The following COL22A1 variants were observed in gnomAD, a reference collection of about 807,000 sequenced individuals.
COL22A1 encodes collagen alpha-1(XXII) chain.
In COL22A1, 221 loss-of-function variants were observed where a neutral mutation model predicts 248.9. That is an observed-to-expected ratio of 0.89 (90% confidence interval 0.80 to 0.99). The LOEUF is 0.99. Ranked by LOEUF, COL22A1 falls within the 50% of genes least tolerant of loss-of-function variation. The probability of loss-of-function intolerance (pLI) is 0.00; values close to 1 mark genes in which losing one functional copy is unlikely to be tolerated. For synonymous variants in COL22A1, 891 were observed against 793.4 expected (o/e 1.12, Z -2.07); for missense variants, 2,240 against 2,179.0 (o/e 1.03, Z -0.56).
At chr8:138,753,094 G>A (rs959432250) in intron 21 of COL22A1, among the ~76,000 whole-genome samples, 1 of 152,204 alleles carries the variant, frequency 6.6e-6, no homozygotes, top group African/African-American at 2.4e-5. Flanking sequence ...AAAATTACTT[G>A]GTGGACAAAT....
intron 1 of COL22A1, among the ~76,000 whole-genome samples, chr8:138,900,295 T>C (rs1254366463): frequency 1.3e-5 from 2 of 151,940 alleles, no homozygotes; most frequent in Middle Eastern, 3.4e-3. Flanking sequence ...CCATCAGGAG[T>C]GTTTGGTCCT....
rs765474291 is a variant in COL22A1, at chr8:138,649,751, G to A, written c.3361C>T (p.Pro1121Ser). 2 of 1,603,238 alleles carry A rather than the reference G, an allele frequency of 1.2e-6. No individual in the cohort carries two copies. Among genetic ancestry groups the A allele is most frequent in the African/African-American group, 1.3e-5 (1 of 74,278 alleles). The change falls in exon 46 of 65, where the codon CCC becomes TCC. Residue 1121 changes from proline to serine, a missense_variant. By Grantham distance (74) the Pro-to-Ser change is moderately conservative. Coordinates refer to ENST00000303045, the MANE Select transcript of COL22A1 (RefSeq NM_152888.3). Reference protein sequence around the residue: ...KDVCNDCPPGPPGLPGLPGFK... With the variant: ...KDVCNDCPPGSPGLPGLPGFK... ...CCTGGTAGACCAGGGAGGCCTGGGG[G>A]GCCAGGAGGGCAGTCATTGCACACA...
chr8:138,593,404 T>G (rs1276372030), intron 63 of COL22A1, among the ~76,000 whole-genome samples: 2 of 152,072 alleles, frequency 1.3e-5, no homozygotes, highest in African/African-American at 4.8e-5. Context: ...AAAAAAAACC[T>G]TTTGTTAAAA....
chr8:138,652,667 T>C (rs570238973), intron 45 of COL22A1, among the ~76,000 whole-genome samples: 2 of 151,858 alleles, frequency 1.3e-5, no homozygotes, highest in South Asian at 4.2e-4. Context: ...GTATGTAATC[T>C]ATTAATGTTC....
intron 6 of COL22A1, among the ~76,000 whole-genome samples, chr8:138,824,657 A>C (rs987234565): frequency 1.3e-5 from 2 of 152,230 alleles, no homozygotes; most frequent in African/African-American, 4.8e-5. Flanking sequence ...ATATATCTGT[A>C]GATGAACTTC....
chr8:138,757,691 G>A (rs914129944), intron 18 of COL22A1, among the ~76,000 whole-genome samples: 4 of 152,200 alleles, frequency 2.6e-5, no homozygotes, highest in Admixed American at 6.5e-5. Flanking sequence ...ATTCACTCTC[G>A]TTCCCTATGA....
chr8:138,750,982 T>C (rs1165811095), intron 22 of COL22A1, among the ~76,000 whole-genome samples: 1 of 140,800 alleles, frequency 7.1e-6, no homozygotes, highest in East Asian at 2.1e-4. Context: ...GTGTGCACAA[T>C]CTAGATAGGA....
intron 25 of COL22A1, among the ~76,000 whole-genome samples, chr8:138,722,850 C>CGGGGGGGGGGGGGGGG (rs1171912230): frequency 8.4e-5 from 1 of 11,848 alleles, no homozygotes. Context: ...CACATGGGGG[C>CGGGGGGGGGGGGGGGG]GGGGGGGGGG....
chr8:138,726,957 A>G (rs1429566491), intron 23 of COL22A1, among the ~76,000 whole-genome samples: 4 of 152,044 alleles, frequency 2.6e-5, no homozygotes, highest in Non-Finnish European at 5.9e-5. Flanking sequence ...CAGAGGGAGG[A>G]AGGGTGGACA....
chr8:138,767,558 T>C (rs56662818), intron 16 of COL22A1, among the ~76,000 whole-genome samples: 11,770 of 152,254 alleles, frequency 0.077, 556 homozygotes, highest in South Asian at 0.13. Flanking sequence ...AATAGGAAAG[T>C]GTAAGCTTAT....
Position 138,663,689 on chromosome 8 carries a change from T to C in COL22A1, c.3186+16A>G. On this transcript the variant is annotated intron_variant, in intron 42 of 64. Coordinates refer to ENST00000303045, the MANE Select transcript of COL22A1 (RefSeq NM_152888.3). ...CTCCCATAGAAACTCATCCCTTTAT[T>C]TAAAGCATACTGTACCGGGGATCCT... The C allele has an allele frequency of 6.3e-7, 1 of 1,596,546 alleles. No homozygotes were observed. The highest frequency in any genetic ancestry group is 8.6e-7 in the Non-Finnish European group (1 of 1,164,036).
intron 2 of COL22A1, among the ~76,000 whole-genome samples, chr8:138,881,190 G>A (rs1824174719): frequency 6.6e-6 from 1 of 151,570 alleles, no homozygotes; most frequent in Admixed American, 6.6e-5. Flanking sequence ...CATTGGCTGT[G>A]CATTTGGGGT....
At chr8:138,735,806 G>T (rs1372792181) in intron 23 of COL22A1, among the ~76,000 whole-genome samples, 1 of 152,224 alleles carries the variant, frequency 6.6e-6, no homozygotes, top group Non-Finnish European at 1.5e-5. Context: ...TTTCACTAGA[G>T]TGCTTTCATG....
intron 4 of COL22A1, among the ~76,000 whole-genome samples, chr8:138,842,741 A>T (rs554212411): frequency 2.0e-5 from 3 of 152,258 alleles, no homozygotes; most frequent in Non-Finnish European, 4.4e-5. Flanking sequence ...CAAGGAAATT[A>T]GGTTAACAAA....
chr8:138,812,828 G>A, intron 8 of COL22A1, 111 bp downstream of exon 8: 1 of 823,876 alleles, frequency 1.2e-6, no homozygotes, highest in East Asian at 2.4e-5. Context: ...TATTCTGATG[G>A]TGGATGTCTC....
chr8:138,877,727 G>A lies in COL22A1; in HGVS notation c.658+23C>T, dbSNP rs370083886. ...GGGGGCGTCACTCTTGGGAGGGGCC[G>A]CATGGGGCCCGGGCGCACTCACTTT... On this transcript the variant is annotated intron_variant, in intron 3 of 64. Coordinates refer to ENST00000303045, the MANE Select transcript of COL22A1 (RefSeq NM_152888.3). 6 of 1,548,060 alleles carry A rather than the reference G, an allele frequency of 3.9e-6. No individual in the cohort carries two copies. The African/African-American group carries it at 5.5e-5, about 14-fold the overall frequency.
chr8:138,758,503 G>A (rs770085335), intron 18 of COL22A1, among the ~76,000 whole-genome samples: 1 of 152,292 alleles, frequency 6.6e-6, no homozygotes, highest in Non-Finnish European at 1.5e-5. Context: ...GTAAATCATC[G>A]AATGGACAGG....
intron 12 of COL22A1, among the ~76,000 whole-genome samples, chr8:138,792,455 CA>C (rs1260647775): frequency 6.6e-6 from 1 of 152,344 alleles, no homozygotes; most frequent in Non-Finnish European, 1.5e-5. Context: ...CATCTTCTTT[CA>C]ACTGGCTCCT....
intron 2 of COL22A1, among the ~76,000 whole-genome samples, chr8:138,879,382 A>C (rs545585533): frequency 6.6e-6 from 1 of 152,202 alleles, no homozygotes; most frequent in African/African-American, 2.4e-5. Context: ...CAAATATACA[A>C]GGAACTATCA....
Sources: gnomAD v4.1 joint callset for allele counts (sites outside exome capture counted in the v4.1 genomes callset) on GRCh38, gnomAD v4.1.1 for gene constraint, MANE v1.5 for transcripts, NCBI Gene and HGNC (gene_info 2026-07-23, HGNC 2026-07-21) for gene names.